ST6GALNAC3: variants seen among roughly 807,000 people sequenced by gnomAD.
ST6GALNAC3 encodes the protein alpha-N-acetylgalactosaminide alpha-2,6-sialyltransferase 3.
Under a neutral mutation model 32.7 loss-of-function variants are expected in ST6GALNAC3, and 25 were observed. The observed-to-expected ratio is 0.76, with a 90% CI of 0.56 to 1.07. The LOEUF (loss-of-function observed/expected upper bound fraction) is 1.07. Among genes scored for constraint, ST6GALNAC3 ranks in the 50% least tolerant of loss-of-function variants. The probability of loss-of-function intolerance (pLI) is 0.00; values close to 1 mark genes in which losing one functional copy is unlikely to be tolerated. For missense variants in ST6GALNAC3, 355 were observed against 382.4 expected, an observed-to-expected ratio of 0.93 and a Z score of 0.60; for synonymous variants, 129 against 133.1, an observed-to-expected ratio of 0.97 and a Z score of 0.21.
intron 2 of ST6GALNAC3, among the ~76,000 whole-genome samples, chr1:76,403,651 G>A (rs1653599000): frequency 6.6e-6 from 1 of 152,084 alleles, no homozygotes; most frequent in African/African-American, 2.4e-5. Flanking sequence ...GTAATGTATA[G>A]CCAGTTGAAA....
intron 3 of ST6GALNAC3, among the ~76,000 whole-genome samples, chr1:76,484,448 A>T (rs1008372965): frequency 6.6e-6 from 1 of 152,072 alleles, no homozygotes; most frequent in African/African-American, 2.4e-5. Context: ...ATCCCTTGTA[A>T]GTTGGATTTC....
intron 1 of ST6GALNAC3, among the ~76,000 whole-genome samples, chr1:76,111,138 A>T (rs1647901360): frequency 6.6e-6 from 1 of 152,166 alleles, no homozygotes; most frequent in South Asian, 2.1e-4. Context: ...TTTGCTCTCT[A>T]GTTTCTGTGA....
At chr1:76,447,604 C>CA (rs1269747897) in intron 3 of ST6GALNAC3, among the ~76,000 whole-genome samples, 1 of 152,104 alleles carries the variant, frequency 6.6e-6, no homozygotes, top group Non-Finnish European at 1.5e-5. Flanking sequence ...GAGATGGTTT[C>CA]GTGGGCCAGG....
intron 1 of ST6GALNAC3, among the ~76,000 whole-genome samples, chr1:76,136,813 C>T (rs112659574): frequency 5.5e-4 from 84 of 152,300 alleles, no homozygotes; most frequent in Middle Eastern, 3.4e-3. Flanking sequence ...CAGCCTTTAT[C>T]ACTAACTTGG....
chr1:76,085,606 A>T (rs189663472), intron 1 of ST6GALNAC3, among the ~76,000 whole-genome samples: 9 of 152,308 alleles, frequency 5.9e-5, no homozygotes, highest in African/African-American at 2.2e-4. Context: ...CTACATCAGG[A>T]CCACTGGAAG....
At chr1:76,247,280 C>T (rs774302199) in intron 1 of ST6GALNAC3, among the ~76,000 whole-genome samples, 3 of 152,182 alleles carry the variant, frequency 2.0e-5, no homozygotes, top group Non-Finnish European at 4.4e-5. Flanking sequence ...ACACAGGGGT[C>T]AGGGACCCAC....
chr1:76,154,155 A>G (rs1157180453), intron 1 of ST6GALNAC3, among the ~76,000 whole-genome samples: 1 of 152,078 alleles, frequency 6.6e-6, no homozygotes, highest in Admixed American at 6.5e-5. Flanking sequence ...GTGGGTGGAC[A>G]ATTCTCTTGG....
intron 1 of ST6GALNAC3, among the ~76,000 whole-genome samples, chr1:76,196,468 C>CTT (rs760047718): frequency 6.9e-6 from 1 of 144,656 alleles, no homozygotes; most frequent in African/African-American, 2.5e-5. Flanking sequence ...ATTCTCAATA[C>CTT]TTTTTTTTTT....
At chr1:76,398,731 A>G (rs1287588080) in intron 2 of ST6GALNAC3, among the ~76,000 whole-genome samples, 1 of 152,192 alleles carries the variant, frequency 6.6e-6, no homozygotes, top group South Asian at 2.1e-4. Flanking sequence ...TTTATAGGAC[A>G]TATAGCAGGA....
chr1:76,279,442 AGTT>A (rs1327293460), intron 1 of ST6GALNAC3, among the ~76,000 whole-genome samples: 1 of 152,226 alleles, frequency 6.6e-6, no homozygotes, highest in Non-Finnish European at 1.5e-5. Flanking sequence ...TGGAAGACAC[AGTT>A]ATTATCAATC....
At chr1:76,140,385 C>T (rs1045623651) in intron 1 of ST6GALNAC3, among the ~76,000 whole-genome samples, 2 of 152,150 alleles carry the variant, frequency 1.3e-5, no homozygotes, top group Admixed American at 1.3e-4. Flanking sequence ...AAATGTGTGA[C>T]TCCAAAGCTA....
intron 3 of ST6GALNAC3, among the ~76,000 whole-genome samples, chr1:76,457,820 A>G (rs373834689): frequency 6.6e-6 from 1 of 150,478 alleles, no homozygotes; most frequent in Non-Finnish European, 1.5e-5. Flanking sequence ...GGACATAGGC[A>G]TGGGCAAGGA....
chr1:76,574,561 T>C (rs1646770864), intron 3 of ST6GALNAC3, among the ~76,000 whole-genome samples: 1 of 152,014 alleles, frequency 6.6e-6, no homozygotes, highest in Non-Finnish European at 1.5e-5. Flanking sequence ...CACCAACCAG[T>C]AGCTCCAATT....
At chr1:76,222,682 CAAACA>C (rs1655845177) in intron 1 of ST6GALNAC3, among the ~76,000 whole-genome samples, 1 of 151,628 alleles carries the variant, frequency 6.6e-6, no homozygotes, top group Non-Finnish European at 1.5e-5. Context: ...CAAAAACAAA[CAAACA>C]AAAAAATAAT....
At chr1:76,180,381 T>G (rs1190351834) in intron 1 of ST6GALNAC3, among the ~76,000 whole-genome samples, 1 of 152,164 alleles carries the variant, frequency 6.6e-6, no homozygotes, top group African/African-American at 2.4e-5. Context: ...AAATTTGCAC[T>G]AAAAATATGT....
At chr1:76,533,396 G>C (rs1473988831) in intron 3 of ST6GALNAC3, among the ~76,000 whole-genome samples, 1 of 152,138 alleles carries the variant, frequency 6.6e-6, no homozygotes, top group Non-Finnish European at 1.5e-5. Flanking sequence ...CACAGTGTGG[G>C]TTCCCAGATA....
At chr1:76,185,900 A>G (rs1393225286) in intron 1 of ST6GALNAC3, among the ~76,000 whole-genome samples, 1 of 152,232 alleles carries the variant, frequency 6.6e-6, no homozygotes, top group Non-Finnish European at 1.5e-5. Context: ...TATAACAAGT[A>G]TTTAGCATTT....
At chr1:76,341,669 CTTTCTTTCTTTCCTTCT>C (rs1557803891) in intron 2 of ST6GALNAC3, among the ~76,000 whole-genome samples, 10 of 144,082 alleles carry the variant, frequency 6.9e-5, no homozygotes, top group East Asian at 4.1e-4. Context: ...TTCTTTCTTT[CTTTCTTTCTTTCCTTCT>C]TTCTTTCTTT....
intron 3 of ST6GALNAC3, among the ~76,000 whole-genome samples, chr1:76,590,577 GAC>G (rs1401937669): frequency 1.3e-5 from 2 of 152,088 alleles, no homozygotes; most frequent in African/African-American, 4.8e-5. Context: ...AGCAAACAAA[GAC>G]AAACTCTCTA....
Sources: allele counts gnomAD v4.1 joint callset (sites outside exome capture counted in the v4.1 genomes callset), GRCh38; gene constraint gnomAD v4.1.1; transcripts MANE v1.5; gene names NCBI Gene and HGNC (gene_info 2026-07-23, HGNC 2026-07-21).